GRID2: variants seen among roughly 807,000 people sequenced by gnomAD.
GRID2 encodes glutamate ionotropic receptor delta type subunit 2.
In GRID2, 33 loss-of-function variants were observed where a neutral mutation model predicts 114.8. That is an observed-to-expected ratio of 0.29 (90% CI 0.22 to 0.38). The LOEUF (loss-of-function observed/expected upper bound fraction) is 0.38. Ranked by LOEUF, GRID2 falls within the 10% of genes least tolerant of loss-of-function variation. GRID2 has a pLI of 1.00. For synonymous variants in GRID2, 505 were observed against 449.9 expected (o/e 1.12, Z -1.55); for missense variants, 1,184 against 1,257.7 (o/e 0.94, Z 0.89).
intron 14 of GRID2, among the ~76,000 whole-genome samples, chr4:93,715,638 A>T (rs1402564576): frequency 6.6e-6 from 1 of 151,930 alleles, no homozygotes; most frequent in East Asian, 1.9e-4. Flanking sequence ...CCTTGTAGAG[A>T]TCTTTCACTT....
At chr4:93,593,242 C>T (rs1417107108) in intron 13 of GRID2, among the ~76,000 whole-genome samples, 2 of 146,014 alleles carry the variant, frequency 1.4e-5, no homozygotes, top group Admixed American at 6.9e-5. Context: ...TCTTTTAGGG[C>T]AGGCCTGGTG....
rs140659725 is a variant in GRID2 at position 93,239,964 on chromosome 4, CTTG to C, written c.1245+1480_1245+1482del. Among the ~76,000 whole-genome samples the C allele has an allele frequency of 7.6e-3, 1,158 of 151,558 alleles. 10 individuals carry two copies. The highest frequency in any genetic ancestry group is 0.027 in the African/African-American group (1,110 of 41,438). ...CAACAGTGTGTTTATGTTATTGATC[CTTG>C]TTGTTACATGGAGTGGCAGTTTATT... On this transcript the variant is annotated intron_variant, in intron 8 of 15. Coordinates refer to ENST00000282020, the MANE Select transcript of GRID2 (RefSeq NM_001510.4).
At chr4:92,641,311 T>A (rs959795355) in intron 2 of GRID2, among the ~76,000 whole-genome samples, 6 of 151,816 alleles carry the variant, frequency 4.0e-5, no homozygotes, top group African/African-American at 1.4e-4. Flanking sequence ...TTAATTTTTT[T>A]AGGACAGGAT....
intron 13 of GRID2, among the ~76,000 whole-genome samples, chr4:93,542,216 G>T (rs1407063408): frequency 6.6e-6 from 1 of 152,108 alleles, no homozygotes; most frequent in Non-Finnish European, 1.5e-5. Flanking sequence ...TGTATTCATT[G>T]CTGTGTTTCT....
At chr4:92,772,190 G>C (rs1738576510) in intron 2 of GRID2, among the ~76,000 whole-genome samples, 1 of 152,172 alleles carries the variant, frequency 6.6e-6, no homozygotes, top group Non-Finnish European at 1.5e-5. Flanking sequence ...CTTGGCACCA[G>C]TGAGTTTAGG....
At chr4:93,190,312 T>C (rs1478568354) in intron 4 of GRID2, among the ~76,000 whole-genome samples, 2 of 152,164 alleles carry the variant, frequency 1.3e-5, no homozygotes, top group African/African-American at 2.4e-5. Flanking sequence ...AAGCCACTAT[T>C]GATTTCTATA....
chr4:92,631,978 C>A (rs1730829300), intron 2 of GRID2, among the ~76,000 whole-genome samples: 1 of 152,086 alleles, frequency 6.6e-6, no homozygotes, highest in Non-Finnish European at 1.5e-5. Flanking sequence ...CAAATAATGT[C>A]TTCACATTTA....
At chr4:92,814,873 A>C (rs1740813523) in intron 2 of GRID2, among the ~76,000 whole-genome samples, 1 of 152,114 alleles carries the variant, frequency 6.6e-6, no homozygotes, top group Non-Finnish European at 1.5e-5. Flanking sequence ...TGAGAGGAGC[A>C]CACTAGGACC....
intron 13 of GRID2, among the ~76,000 whole-genome samples, chr4:93,553,712 A>C (rs1183186243): frequency 3.3e-5 from 5 of 152,174 alleles, no homozygotes; most frequent in Non-Finnish European, 7.4e-5. Flanking sequence ...AGATTTGTCT[A>C]AGGTTCTATA....
chr4:92,570,414 G>T (rs62307855), intron 1 of GRID2, among the ~76,000 whole-genome samples: 20,990 of 151,970 alleles, frequency 0.14, 2,356 homozygotes, highest in African/African-American at 0.31. Flanking sequence ...TGTTCTTTTT[G>T]CTTAGGATTG....
At chr4:92,794,016 T>G (rs1739723481) in intron 2 of GRID2, among the ~76,000 whole-genome samples, 1 of 151,888 alleles carries the variant, frequency 6.6e-6, no homozygotes, top group Non-Finnish European at 1.5e-5. Flanking sequence ...GCAGCAAGAC[T>G]GGAATGCCGA....
chr4:92,945,348 TACCA>T (rs1751544395), intron 2 of GRID2, among the ~76,000 whole-genome samples: 1 of 152,200 alleles, frequency 6.6e-6, no homozygotes, highest in African/African-American at 2.4e-5. Flanking sequence ...ATGAGAATAA[TACCA>T]ACCATTTCAA....
intron 8 of GRID2, among the ~76,000 whole-genome samples, chr4:93,254,843 GACAA>G (rs1749391967): frequency 2.6e-5 from 4 of 152,094 alleles, no homozygotes; most frequent in South Asian, 4.2e-4. Flanking sequence ...TTATTCTTGG[GACAA>G]ACAAAGTAAT....
At chr4:92,640,317 A>G (rs1204425655) in intron 2 of GRID2, among the ~76,000 whole-genome samples, 1 of 151,892 alleles carries the variant, frequency 6.6e-6, no homozygotes, top group Non-Finnish European at 1.5e-5. Context: ...AAAGAACCTT[A>G]GACATTTACT....
intron 11 of GRID2, among the ~76,000 whole-genome samples, chr4:93,470,500 C>T (rs1170745361): frequency 6.6e-6 from 1 of 152,020 alleles, no homozygotes. Context: ...ATTGAGGGAG[C>T]TTATCAACTA....
intron 2 of GRID2, among the ~76,000 whole-genome samples, chr4:93,042,620 T>C (rs1725675794): frequency 7.6e-6 from 1 of 131,844 alleles, no homozygotes; most frequent in African/African-American, 2.7e-5. Flanking sequence ...TCTCTCTCTC[T>C]CTCTCTATAT....
At chr4:93,398,295 C>T (rs1018654004) in intron 9 of GRID2, among the ~76,000 whole-genome samples, 6 of 150,746 alleles carry the variant, frequency 4.0e-5, no homozygotes, top group South Asian at 4.2e-4. Context: ...AGCGATTCTA[C>T]GTGTGGTAAC....
intron 4 of GRID2, among the ~76,000 whole-genome samples, chr4:93,192,767 AAAAAG>A (rs1297886487): frequency 1.3e-5 from 2 of 151,518 alleles, no homozygotes; most frequent in East Asian, 3.9e-4. Flanking sequence ...AAAAAAAAAA[AAAAAG>A]AGATTTCTGT....
intron 1 of GRID2, among the ~76,000 whole-genome samples, chr4:92,359,137 T>C (rs183327924): frequency 5.6e-4 from 85 of 151,990 alleles, no homozygotes; most frequent in African/African-American, 1.9e-3. Context: ...AGTAGTGAAG[T>C]TTTTGTTCTT....
Sources: allele counts gnomAD v4.1 joint callset (sites outside exome capture counted in the v4.1 genomes callset), GRCh38; gene constraint gnomAD v4.1.1; transcripts MANE v1.5; gene names NCBI Gene and HGNC (gene_info 2026-07-23, HGNC 2026-07-21).